TENM3: variants seen among roughly 807,000 people sequenced by gnomAD.
TENM3 encodes teneurin transmembrane protein 3, also known as teneurin-3.
A neutral mutation model predicts 255.1 loss-of-function variants in TENM3; 63 were observed. The ratio of observed to expected loss-of-function variants is 0.25; its 90% CI spans 0.20 to 0.30. The LOEUF (loss-of-function observed/expected upper bound fraction) is 0.30, where lower values mean the gene tolerates loss of function less well. TENM3 is among the 10% of genes least tolerant of loss of function. The pLI, the probability that TENM3 is intolerant of heterozygous loss-of-function variation, is 1.00. For missense variants in TENM3, 2,929 were observed against 3,461.1 expected (o/e 0.85, Z 3.86); for synonymous variants, 1,306 against 1,322.3 (o/e 0.99, Z 0.27).
chr4:181,679,010 A>G, the TENM3 span, among the ~76,000 whole-genome samples: 1 of 152,104 alleles, frequency 6.6e-6, no homozygotes, highest in Non-Finnish European at 1.5e-5. Context: ...CAGGGACTCC[A>G]TATTTCTATA....
At chr4:181,630,253 G>A in the TENM3 span, among the ~76,000 whole-genome samples, 924 of 152,106 alleles carry the variant, frequency 6.1e-3, 11 homozygotes, top group African/African-American at 0.021. Flanking sequence ...TCTTGCTAGT[G>A]GTCTATCAAT....
chr4:181,556,784 C>T, the TENM3 span, among the ~76,000 whole-genome samples: 1 of 152,104 alleles, frequency 6.6e-6, no homozygotes, highest in African/African-American at 2.4e-5. Flanking sequence ...GATTTCATAA[C>T]ATTTTTCATT....
At chr4:182,515,953 C>A (rs1737895659) in intron 3 of TENM3, among the ~76,000 whole-genome samples, 1 of 152,212 alleles carries the variant, frequency 6.6e-6, no homozygotes, top group Admixed American at 6.5e-5. Flanking sequence ...CTACATTAAT[C>A]TGCAATTTCA....
chr4:182,621,641 A>ATT (rs1750172645), intron 4 of TENM3, among the ~76,000 whole-genome samples: 1 of 38,928 alleles, frequency 2.6e-5, no homozygotes, highest in East Asian at 4.9e-4. Flanking sequence ...TATAATATAT[A>ATT]ATACATATTA....
chr4:182,641,804 GGCGCA>G (rs1355528643), intron 5 of TENM3, among the ~76,000 whole-genome samples: 1 of 152,204 alleles, frequency 6.6e-6, no homozygotes, highest in Non-Finnish European at 1.5e-5. Context: ...TGGGATTACA[GGCGCA>G]AGCCACCGCG....
At chr4:181,943,878 C>T in the TENM3 span, among the ~76,000 whole-genome samples, 2 of 152,158 alleles carry the variant, frequency 1.3e-5, no homozygotes, top group African/African-American at 4.8e-5. Flanking sequence ...GGATAACAAT[C>T]ATAGTAACTC....
At chr4:182,299,997 C>T (rs891745331) in intron 1 of TENM3, among the ~76,000 whole-genome samples, 7 of 151,654 alleles carry the variant, frequency 4.6e-5, no homozygotes, top group Non-Finnish European at 1.0e-4. Flanking sequence ...CTTAATGCGG[C>T]CTCTGCCTCC....
intron 1 of TENM3, among the ~76,000 whole-genome samples, chr4:182,278,389 G>T (rs1760149219): frequency 6.6e-6 from 1 of 151,818 alleles, no homozygotes; most frequent in East Asian, 1.9e-4. Context: ...AAAAGAAAAA[G>T]AAAAAAAAGA....
At chr4:182,742,318 G>A (rs968482086) in intron 18 of TENM3, among the ~76,000 whole-genome samples, 6 of 152,210 alleles carry the variant, frequency 3.9e-5, no homozygotes, top group African/African-American at 1.4e-4. Flanking sequence ...AGAGCAGACT[G>A]GCATTTTGTC....
At chr4:182,482,527 G>A (rs10446811) in intron 3 of TENM3, among the ~76,000 whole-genome samples, 25,147 of 152,072 alleles carry the variant, frequency 0.17, 2,212 homozygotes, top group Middle Eastern at 0.27. Context: ...TTTTGGCATT[G>A]CAGAACAGAA....
chr4:182,191,829 C>T (rs1385710520), intron 1 of TENM3, among the ~76,000 whole-genome samples: 6 of 152,120 alleles, frequency 3.9e-5, no homozygotes, highest in Admixed American at 3.9e-4. Flanking sequence ...TCAACTAAAT[C>T]GTAACTGCAT....
chr4:181,962,686 C>T, the TENM3 span, among the ~76,000 whole-genome samples: 1 of 152,182 alleles, frequency 6.6e-6, no homozygotes, highest in Non-Finnish European at 1.5e-5. Flanking sequence ...TAACTACTTT[C>T]TTTTTGCCTC....
chr4:181,861,721 T>C, the TENM3 span, among the ~76,000 whole-genome samples: 3 of 152,198 alleles, frequency 2.0e-5, no homozygotes. Context: ...AGCTCCGTGA[T>C]GGTTTAATGG....
At chr4:182,394,530 A>G (rs1387572666) in intron 3 of TENM3, among the ~76,000 whole-genome samples, 1 of 152,204 alleles carries the variant, frequency 6.6e-6, no homozygotes, top group Non-Finnish European at 1.5e-5. Flanking sequence ...ATGTGGTTTT[A>G]CTGCATTTGA....
the TENM3 span, among the ~76,000 whole-genome samples, chr4:181,855,034 A>G: frequency 6.6e-6 from 1 of 152,240 alleles, no homozygotes; most frequent in African/African-American, 2.4e-5. Context: ...ACAAGCGAAT[A>G]TGGAGAAATA....
chr4:181,927,066 C>CAAA, the TENM3 span, among the ~76,000 whole-genome samples: 2 of 152,180 alleles, frequency 1.3e-5, no homozygotes, highest in Non-Finnish European at 2.9e-5. Flanking sequence ...CCCTGGGTTT[C>CAAA]AATCACAAAA....
intron 3 of TENM3, among the ~76,000 whole-genome samples, chr4:182,432,506 T>C (rs978366705): frequency 6.6e-6 from 1 of 152,222 alleles, no homozygotes; most frequent in African/African-American, 2.4e-5. Flanking sequence ...ATGTACAATG[T>C]AATAACTGCT....
At chr4:181,846,560 A>T in the TENM3 span, among the ~76,000 whole-genome samples, 1 of 152,258 alleles carries the variant, frequency 6.6e-6, no homozygotes, top group South Asian at 2.1e-4. Flanking sequence ...TTTGAAGATT[A>T]TTAAGAGATA....
chr4:182,455,851 C>T (rs1366420200), intron 3 of TENM3, among the ~76,000 whole-genome samples: 2 of 152,154 alleles, frequency 1.3e-5, no homozygotes, highest in African/African-American at 4.8e-5. Context: ...CATGAGCCAC[C>T]GCACCCGGCC....
Sources: gnomAD v4.1 joint callset for allele counts (sites outside exome capture counted in the v4.1 genomes callset) on GRCh38, gnomAD v4.1.1 for gene constraint, MANE v1.5 for transcripts, NCBI Gene and HGNC (gene_info 2026-07-23, HGNC 2026-07-21) for gene names.